The following PLLP variants were observed in gnomAD, a reference collection of about 807,000 sequenced individuals.
PLLP encodes plasma membrane proteolipid (plasmolipin).
PLLP carries 15 observed loss-of-function variants against 19.7 expected under a neutral mutation model. That is an observed-to-expected ratio of 0.76 (90% CI 0.51 to 1.17). The LOEUF is 1.17. Among genes scored for constraint, PLLP ranks in the 50% most tolerant of loss-of-function variants. PLLP has a pLI of 0.00. For synonymous variants in PLLP, 111 were observed against 116.3 expected, an observed-to-expected ratio of 0.95 and a Z score of 0.29; for missense variants, 255 against 258.3, an observed-to-expected ratio of 0.99 and a Z score of 0.09.
chr16:57,272,863 G>A (rs1416554661), intron 1 of PLLP, among the ~76,000 whole-genome samples: 9 of 150,898 alleles, frequency 6.0e-5, no homozygotes, highest in Admixed American at 3.3e-4. Context: ...AGGCTGAGGC[G>A]GGAGGATCAT....
intron 1 of PLLP, among the ~76,000 whole-genome samples, chr16:57,268,883 G>A (rs1002569792): frequency 3.9e-5 from 6 of 152,280 alleles, no homozygotes; most frequent in East Asian, 1.9e-4. Flanking sequence ...TCCTGCATTC[G>A]CCACGGTGTG....
chr16:57,284,311 G>A (rs1901255162), intron 1 of PLLP, 95 bp downstream of exon 1: 5 of 1,139,598 alleles, frequency 4.4e-6, no homozygotes, highest in South Asian at 2.5e-5. Flanking sequence ...GGAGCGCAAG[G>A]TTCGCGAAAA....
intron 1 of PLLP, among the ~76,000 whole-genome samples, chr16:57,267,089 CCT>C (rs1392262425): frequency 1.6e-4 from 24 of 152,240 alleles, no homozygotes; most frequent in Middle Eastern, 3.4e-3. Flanking sequence ...GCAGTGAAAC[CCT>C]GTTATTACAG....
At chr16:57,277,308 G>A (rs752198435) in intron 1 of PLLP, among the ~76,000 whole-genome samples, 2 of 152,288 alleles carry the variant, frequency 1.3e-5, no homozygotes, top group African/African-American at 2.4e-5. Context: ...AGAAATTAGG[G>A]GCCGGGTGCG....
intron 1 of PLLP, among the ~76,000 whole-genome samples, chr16:57,263,966 G>A (rs1242695719): frequency 6.6e-6 from 1 of 152,148 alleles, no homozygotes; most frequent in African/African-American, 2.4e-5. Context: ...CAGAGAAGCG[G>A]CTCCGGAGCA....
chr16:57,257,761 G>C (rs2075430360), intron 3 of PLLP, among the ~76,000 whole-genome samples: 1 of 152,232 alleles, frequency 6.6e-6, no homozygotes, highest in African/African-American at 2.4e-5. Flanking sequence ...GAATCTCCCA[G>C]AATGGTTTAA....
chr16:57,261,948 G>A lies in PLLP; in HGVS notation c.258C>T (p.Leu86=). 1 of 1,614,154 alleles carries A rather than the reference G, an allele frequency of 6.2e-7. No homozygotes were observed. Among genetic ancestry groups the A allele is most frequent in the South Asian group, 1.1e-5 (1 of 91,072 alleles). ...ACTTCATGTGCAGCTGAAACAGGTAGAGGTTGAAGAGGACGATTGTCACCA... is the reference window on the plus strand; with the variant it reads ...ACTTCATGTGCAGCTGAAACAGGTAAAGGTTGAAGAGGACGATTGTCACCA... The part of the protein sequence containing the change: ...LWLVTIVLFN[L]YLFQLHMKLY... The change falls in exon 2 of 4, where the codon CTC becomes CTT. Residue 86 remains leucine (L), a synonymous_variant. Coordinates refer to ENST00000219207, the MANE Select transcript of PLLP (RefSeq NM_015993.3).
intron 1 of PLLP, among the ~76,000 whole-genome samples, chr16:57,267,768 A>G (rs2075462081): frequency 6.7e-6 from 1 of 150,214 alleles, no homozygotes; most frequent in African/African-American, 2.5e-5. Flanking sequence ...AATCCCAGCT[A>G]CTTGGGAGAG....
chr16:57,284,522 T>C lies in PLLP; in HGVS notation c.19A>G (p.Lys7Glu). ...GGACTGCTGGTCCGCGTGCTAACTT[T>C]CGACGGGAACTCGGCCATGGCGGCT... Reference protein sequence around the residue: MAEFPSKVSTRTSSPAQ... With the variant: MAEFPSEVSTRTSSPAQ... Residue 7 changes from lysine (K) to glutamate (E), a missense_variant, in exon 1 of 4, where the codon AAA (lysine) becomes GAA (glutamate). Physicochemically the swap from Lys to Glu is moderately conservative, Grantham distance 56 (BLOSUM62 1). Coordinates refer to ENST00000219207, the MANE Select transcript of PLLP (RefSeq NM_015993.3). 7.2e-7 allele frequency: 1 copy of C among 1,391,246 alleles called. No homozygotes were observed. Among genetic ancestry groups the C allele is most frequent in the Non-Finnish European group, 9.4e-7 (1 of 1,062,472 alleles). 86.2% of individuals were successfully genotyped at this position (1,391,246 alleles called of 1,614,324 possible).
chr16:57,275,813 C>T (rs1332866469), intron 1 of PLLP, among the ~76,000 whole-genome samples: 4 of 152,200 alleles, frequency 2.6e-5, no homozygotes, highest in African/African-American at 9.6e-5. Context: ...GAAATACAAA[C>T]GGCTCTTAAA....
intron 1 of PLLP, among the ~76,000 whole-genome samples, chr16:57,281,415 A>G (rs1211546296): frequency 6.6e-6 from 1 of 152,028 alleles, no homozygotes; most frequent in Admixed American, 6.6e-5. Flanking sequence ...TGCCTGTTGG[A>G]TTAACCCCCA....
chr16:57,256,294 T>C lies in PLLP; in HGVS notation c.*619A>G, dbSNP rs1451983966. 2.7e-6 allele frequency: 1 copy of C among 376,804 alleles called. No homozygotes were observed. Among genetic ancestry groups the C allele is most frequent in the African/African-American group, 2.1e-5 (1 of 48,344 alleles). The allele number at this position is 376,804 out of a possible 1,614,324, so 23.3% of individuals were successfully genotyped here. On this transcript the variant is annotated 3_prime_UTR_variant, in exon 4 of 4. Transcript: ENST00000219207. ...GAGGCTTGGGAAAGGGAAGGAAACC[T>C]GGACAGGCTTTTCAGCACTGAGAAA... is the stretch of plus-strand genomic sequence containing the variant.
At chr16:57,257,192 T>C (rs1287508785) in intron 3 of PLLP, among the ~76,000 whole-genome samples, 163 bp from the exon 4 acceptor site, 2 of 152,108 alleles carry the variant, frequency 1.3e-5, no homozygotes, top group African/African-American at 4.8e-5. Context: ...AGCACCAGGG[T>C]CCTGGGATAC....
At chr16:57,280,955 C>T (rs1901212250) in intron 1 of PLLP, among the ~76,000 whole-genome samples, 1 of 152,196 alleles carries the variant, frequency 6.6e-6, no homozygotes, top group Non-Finnish European at 1.5e-5. Context: ...CCCCTTCCTC[C>T]CACCATACCA....
At chr16:57,260,289 AG>A (rs2075438225) in intron 2 of PLLP, among the ~76,000 whole-genome samples, 1 of 152,204 alleles carries the variant, frequency 6.6e-6, no homozygotes, top group South Asian at 2.1e-4. Context: ...CTGTGGCAGA[AG>A]GGAGCCTCCT....
At chr16:57,264,936 G>C (rs2146441427) in intron 1 of PLLP, among the ~76,000 whole-genome samples, 1 of 152,362 alleles carries the variant, frequency 6.6e-6, no homozygotes, top group African/African-American at 2.4e-5. Flanking sequence ...GTCCATCTGT[G>C]AACTGCCCCT....
intron 1 of PLLP, among the ~76,000 whole-genome samples, chr16:57,267,154 G>A (rs2075460207): frequency 6.6e-6 from 1 of 152,162 alleles, no homozygotes; most frequent in South Asian, 2.1e-4. Flanking sequence ...TTCCTGCAGG[G>A]TGCATGCCCT....
chr16:57,257,061 G>T, intron 3 of PLLP, 32 bp from the exon 4 acceptor site: 1 of 1,484,500 alleles, frequency 6.7e-7, no homozygotes. Context: ...CTTAAGGACC[G>T]AGAGGGTGAC....
At chr16:57,263,625 G>C (rs1427158569) in intron 1 of PLLP, among the ~76,000 whole-genome samples, 1 of 152,208 alleles carries the variant, frequency 6.6e-6, no homozygotes, top group Non-Finnish European at 1.5e-5. Context: ...TCAGGGTGCA[G>C]GCCAGCAAAG....
Sources: allele counts gnomAD v4.1 joint callset (sites outside exome capture counted in the v4.1 genomes callset), GRCh38; gene constraint gnomAD v4.1.1; transcripts MANE v1.5; gene names NCBI Gene and HGNC (gene_info 2026-07-23, HGNC 2026-07-21).